Variants in TBX3 observed in about 807,000 individuals in gnomAD.
TBX3 encodes the protein T-box transcription factor TBX3.
TBX3 carries 11 observed loss-of-function variants against 47.8 expected under a neutral mutation model. The ratio of observed to expected loss-of-function variants is 0.23; its 90% confidence interval spans 0.14 to 0.38. TBX3 has a LOEUF of 0.38. TBX3 is among the 10% of genes least tolerant of loss of function. The pLI is 1.00. For missense variants in TBX3, 927 were observed against 1,022.8 expected, an observed-to-expected ratio of 0.91 and a Z score of 1.28; for synonymous variants, 500 against 449.3, an observed-to-expected ratio of 1.11 and a Z score of -1.43.
Position 114,671,675 on chromosome 12 carries a change from G to A in TBX3, c.*166C>T, listed in dbSNP as rs1321887152. 12 of 816,852 alleles carry A rather than the reference G, an allele frequency of 1.5e-5. No homozygotes were observed. The highest frequency in any genetic ancestry group is 2.2e-5 in the Non-Finnish European group (11 of 506,540). The allele number at this position is 816,852 out of a possible 1,614,324, so 50.6% of individuals were successfully genotyped here. ...ACATATAAACCACGCCAAGAAGACA[G>A]GGGCTGTCTCTAGCACATTCTCTCG... On this transcript the variant is annotated 3_prime_UTR_variant, in exon 7 of 7. Coordinates refer to ENST00000349155, the MANE Select transcript of TBX3 (RefSeq NM_005996.4).
rs1868438344 is a variant in TBX3, at chr12:114,671,780, T to C, written c.*61A>G. 1.9e-6 allele frequency: 3 copies of C among 1,542,384 alleles called. No individual in the cohort carries two copies. The highest frequency in any genetic ancestry group is 1.2e-5 in the South Asian group (1 of 83,564). On this transcript the variant is annotated 3_prime_UTR_variant, in exon 7 of 7. Transcript: ENST00000349155. ...TGGCGGGCCCGTGGTTTATTTTATA[T>C]CCGACAAAGTGCACGGCAGCCTGAA...
chr12:114,683,455 C>T lies in TBX3; in HGVS notation c.-255G>A. ...CGAAAAATCAGCAAACATAGTCGCG[C>T]GGGTGACCGTCCTTGTGCCTTGCGT... On this transcript the variant is annotated 5_prime_UTR_variant, in exon 1 of 7. Coordinates refer to ENST00000349155, the MANE Select transcript of TBX3 (RefSeq NM_005996.4). This position sits in a 1 kb window ranked among gnomAD's most constrained non-coding sequence, Gnocchi z 7.7. The T allele has an allele frequency of 1.9e-6, 1 of 533,268 alleles. No homozygotes were observed. Among genetic ancestry groups the T allele is most frequent in the Non-Finnish European group, 3.3e-6 (1 of 305,134 alleles). 33.0% of individuals were successfully genotyped at this position (533,268 alleles called of 1,614,324 possible). A position where few individuals can be genotyped will look rare whatever the true frequency, so the allele number is the denominator to read the frequency against.
At chr12:114,672,328 C>CGA (rs1868484557) in intron 6 of TBX3, 26 bp from the exon 7 acceptor site, 1 of 1,505,446 alleles carries the variant, frequency 6.6e-7, no homozygotes, top group African/African-American at 1.4e-5. Context: ...AGACACACAG[C>CGA]GAGTCAGCCG....
intron 5 of TBX3, 112 bp from the exon 6 acceptor site, chr12:114,674,947 A>C: frequency 7.1e-7 from 1 of 1,403,016 alleles, no homozygotes. Flanking sequence ...TGGCTGTGTA[A>C]TCCCGGGGAA....
intron 2 of TBX3, chr12:114,680,381 G>A (rs1457387149): frequency 1.4e-5 from 4 of 289,892 alleles, no homozygotes; most frequent in Non-Finnish European, 2.6e-5. Flanking sequence ...CTCATTTAGG[G>A]TAAGCCGGAC....
In TBX3 at chr12:114,679,663, G is replaced by A. The variant is rs1002988512; in HGVS notation, c.658-12C>T. The A allele has an allele frequency of 8.7e-6, 14 of 1,614,142 alleles. No homozygotes were observed. Among genetic ancestry groups the A allele is most frequent in the African/African-American group, 1.3e-5 (1 of 75,030 alleles). On this transcript the variant is annotated splice_polypyrimidine_tract_variant and intron_variant, in intron 2 of 6. Coordinates refer to ENST00000349155, the MANE Select transcript of TBX3 (RefSeq NM_005996.4). The stretch of plus-strand genomic sequence containing the variant: ...GAGTTCAATATAGTCTGCAGGGGCA[G>A]GGAAGAGGAGACATACATAAAACAA...
At position 114,683,618 on chromosome 12, in the gene TBX3, G is replaced by A. The variant is rs1191738528; in HGVS notation, c.-418C>T. On this transcript the variant is annotated 5_prime_UTR_variant, in exon 1 of 7. Coordinates refer to ENST00000349155, the MANE Select transcript of TBX3 (RefSeq NM_005996.4). The surrounding 1 kb of genome is among the most constrained non-coding windows in gnomAD (Gnocchi z 7.7). ...CCCAGGAATCTCTCTCCAGCCCCTAGGTCTTTTGTTGCAAATGTGAAAGGT... is the reference window on the plus strand; with the variant it reads ...CCCAGGAATCTCTCTCCAGCCCCTAAGTCTTTTGTTGCAAATGTGAAAGGT... The A allele has an allele frequency of 4.1e-6, 1 of 244,366 alleles. No individual in the cohort carries two copies. The allele number at this position is 244,366 out of a possible 1,614,324, so 15.1% of individuals were successfully genotyped here. A position where few individuals can be genotyped will look rare whatever the true frequency, so the allele number is the denominator to read the frequency against.
At chr12:114,680,683 C>T (rs1868888900) in intron 2 of TBX3, 196 bp downstream of exon 2, 1 of 785,076 alleles carries the variant, frequency 1.3e-6, no homozygotes, top group Non-Finnish European at 2.1e-6. Flanking sequence ...TTTTCTTGCC[C>T]CATTTCTTTT....
In TBX3 at chr12:114,674,608, A is replaced by C. The variant is rs759577302; in HGVS notation, c.1267T>G (p.Ser423Ala). 4 of 1,601,310 alleles carry C rather than the reference A, an allele frequency of 2.5e-6. No homozygotes were observed. The highest frequency in any genetic ancestry group is 1.6e-4 in the Middle Eastern group (1 of 6,064). The change falls in exon 6 of 7, where the codon TCG becomes GCG. Residue 423 changes from serine (S) to alanine (A), a missense_variant. Around this residue, in one of 5 missense-constraint regions of TBX3, gnomAD observed 623 missense variants for 569.0 expected, o/e 1.09. Coordinates refer to ENST00000349155, the MANE Select transcript of TBX3 (RefSeq NM_005996.4). ...GCGCCCAGGCCGCGAGTGCTGGACG[A>C]GATGGTGGCGGGGCTATGGCGTGAG... ...PDSRHSPATI[S>A]SSTRGLGAEE...
At chr12:114,681,717 A>C (rs928235317) in intron 1 of TBX3, among the ~76,000 whole-genome samples, 1 of 151,996 alleles carries the variant, frequency 6.6e-6, no homozygotes, top group Admixed American at 6.6e-5. Flanking sequence ...ACTTCGGTGC[A>C]CTCCTGGGCC....
At chr12:114,675,629 T>TGG (rs1868673237) in intron 5 of TBX3, among the ~76,000 whole-genome samples, 1 of 109,892 alleles carries the variant, frequency 9.1e-6, no homozygotes, top group Non-Finnish European at 1.8e-5. Context: ...TTCTTCCCGT[T>TGG]GAGAGTGTGT....
Position 114,683,202 on chromosome 12 carries a change from C to A in TBX3, c.-2G>T, listed in dbSNP as rs2121160776. On this transcript the variant is annotated 5_prime_UTR_variant, in exon 1 of 7. Coordinates refer to ENST00000349155, the MANE Select transcript of TBX3 (RefSeq NM_005996.4). This position sits in a 1 kb window ranked among gnomAD's most constrained non-coding sequence, Gnocchi z 7.7. Reference sequence around the variant, plus strand: ...CGGATCTCTCATGGAGAGGCTCATCCACTCCAGGCGGGGCGCTGGGCTCCA... The same window carrying A: ...CGGATCTCTCATGGAGAGGCTCATCAACTCCAGGCGGGGCGCTGGGCTCCA... 6.2e-7 allele frequency: 1 copy of A among 1,609,310 alleles called. No individual in the cohort carries two copies. Among genetic ancestry groups the A allele is most frequent in the Middle Eastern group, 1.8e-4 (1 of 5,462 alleles).
Position 114,674,349 on chromosome 12 carries a change from C to T in TBX3, c.1526G>A (p.Gly509Asp), listed in dbSNP as rs1370487115. The change falls in exon 6 of 7, where the codon GGC (glycine) becomes GAC (aspartate). Residue 509 changes from glycine to aspartate, a missense_variant. Around this residue, in one of 5 missense-constraint regions of TBX3, gnomAD observed 623 missense variants for 569.0 expected, o/e 1.09. Transcript: ENST00000349155. ...FLHPSQFAMG[G>D]AFSSMAAAGM... The stretch of plus-strand genomic sequence containing the variant: ...AGCGGCCGCCATGCTGGAGAAGGCG[C>T]CCCCCATGGCAAACTGGCTGGGGTG... 11 of 1,557,774 alleles carry T rather than the reference C, an allele frequency of 7.1e-6. 1 individual carries two copies. The highest frequency in any genetic ancestry group is 5.4e-5 in the African/African-American group (4 of 73,548).
chr12:114,672,453 G>GGT, intron 6 of TBX3, 151 bp from the exon 7 acceptor site: 1 of 599,890 alleles, frequency 1.7e-6, no homozygotes, highest in Non-Finnish European at 2.6e-6. Flanking sequence ...TTTTTGGGGG[G>GGT]GGAGATAGGT....
At chr12:114,679,303 C>T (rs1868831500) in intron 3 of TBX3, among the ~76,000 whole-genome samples, 1 of 152,014 alleles carries the variant, frequency 6.6e-6, no homozygotes, top group Non-Finnish European at 1.5e-5. Flanking sequence ...TTTTTTTGCT[C>T]AGCATTGTTC....
chr12:114,682,790 G>A (rs769245341), intron 1 of TBX3, 22 bp downstream of exon 1: 4 of 1,614,022 alleles, frequency 2.5e-6, no homozygotes, highest in African/African-American at 1.3e-5. Flanking sequence ...ACAGCTTAGG[G>A]GAGGAGGCCC....
chr12:114,676,504 G>A (rs2121389289), intron 4 of TBX3, 34 bp from the exon 5 acceptor site: 1 of 1,613,770 alleles, frequency 6.2e-7, no homozygotes, highest in Non-Finnish European at 8.5e-7. Flanking sequence ...GTTACAGAAT[G>A]TAACATACAT....
rs1869001823 is a variant in TBX3 at position 114,682,915 on chromosome 12, C to T, written c.286G>A (p.Glu96Lys). 5.0e-6 allele frequency: 8 copies of T among 1,614,186 alleles called. No homozygotes were observed. The highest frequency in any genetic ancestry group is 6.8e-6 in the Non-Finnish European group (8 of 1,180,042). The change falls in exon 1 of 7, where the codon GAA (glutamate) becomes AAA (lysine). Residue 96 changes from glutamate to lysine, a missense_variant. Around this residue, in one of 5 missense-constraint regions of TBX3, gnomAD observed 216 missense variants for 281.2 expected, o/e 0.77. Coordinates refer to ENST00000349155, the MANE Select transcript of TBX3 (RefSeq NM_005996.4). ...TTGGGGTCGTCCTCCACCTCTTCTT[C>T]GGGCTCCATGGTCTTCAAAGGCCTC... ...HLRPLKTMEP[E>K]EEVEDDPKVH...
chr12:114,682,077 T>C (rs1003707519), intron 1 of TBX3, among the ~76,000 whole-genome samples: 1 of 152,206 alleles, frequency 6.6e-6, no homozygotes, highest in Non-Finnish European at 1.5e-5. Flanking sequence ...TTACAGGATC[T>C]TCTCTTCCAG....
Sources: allele counts gnomAD v4.1 joint callset (sites outside exome capture counted in the v4.1 genomes callset), GRCh38; gene constraint gnomAD v4.1.1; regional missense constraint gnomAD v4.1.1; non-coding constraint Gnocchi (gnomAD v3.1); transcripts MANE v1.5; gene names NCBI Gene and HGNC (gene_info 2026-07-23, HGNC 2026-07-21).